UBR4: variants seen among roughly 807,000 people sequenced by gnomAD.
UBR4 encodes E3 ubiquitin-protein ligase UBR4.
UBR4 carries 124 observed loss-of-function variants against 575.6 expected under a neutral mutation model. The observed-to-expected ratio is 0.22, with a 90% CI of 0.19 to 0.25. The LOEUF is 0.25. Ranked by LOEUF, UBR4 falls within the 10% of genes least tolerant of loss-of-function variation. The pLI is 1.00. For missense variants in UBR4, 4,818 were observed against 6,478.8 expected (o/e 0.74, Z 8.80); for synonymous variants, 2,455 against 2,473.7 (o/e 0.99, Z 0.22).
At chr1:19,124,367 TC>T in intron 65 of UBR4, 173 bp downstream of exon 65, 1 of 783,268 alleles carries the variant, frequency 1.3e-6, no homozygotes, top group Non-Finnish European at 1.9e-6. Flanking sequence ...GATACACATC[TC>T]CCACAGTTCT....
At chr1:19,102,665 C>T (rs933339337) in intron 87 of UBR4, among the ~76,000 whole-genome samples, 28 of 152,152 alleles carry the variant, frequency 1.8e-4, no homozygotes, top group Non-Finnish European at 2.6e-4. Flanking sequence ...AAGCAAAACA[C>T]GAGTCAGTTT....
chr1:19,118,948 A>G lies in UBR4; in HGVS notation c.10465T>C (p.Tyr3489His), dbSNP rs779558121. 3.1e-6 allele frequency: 5 copies of G among 1,614,068 alleles called. No individual in the cohort carries two copies. In the Middle Eastern group the frequency reaches 8.2e-4, roughly 266 times the overall value. The change falls in exon 71 of 106, where the codon TAT becomes CAT. Residue 3489 changes from tyrosine to histidine, a missense_variant. This residue lies in a region of UBR4 where 550 missense variants were observed against 791.5 expected (regional missense o/e 0.69). Transcript: ENST00000375254. ...TPQTEKKLKEYSQKAVEILRT... is the reference protein window; with the variant it reads ...TPQTEKKLKEHSQKAVEILRT... ...AGAATCTCCACAGCCTTCTGTGAAT[A>G]CTCCTTCAACTGAAACAGAATTCAG...
At chr1:19,199,091 T>C (rs841374) in intron 3 of UBR4, among the ~76,000 whole-genome samples, 163 bp from the exon 4 acceptor site, 101,435 of 152,140 alleles carry the variant, frequency 0.67, 34,643 homozygotes, top group African/African-American at 0.8. Context: ...ATGTAGCTTA[T>C]AGATTTGTCT....
intron 60 of UBR4, among the ~76,000 whole-genome samples, chr1:19,136,811 A>T (rs2083248725): frequency 6.6e-6 from 1 of 152,212 alleles, no homozygotes; most frequent in Admixed American, 6.5e-5. Flanking sequence ...AAATGTTAGA[A>T]GATTTTTTTA....
chr1:19,134,234 A>G (rs188297025), intron 60 of UBR4, among the ~76,000 whole-genome samples: 265 of 151,874 alleles, frequency 1.7e-3, no homozygotes, highest in Non-Finnish European at 2.5e-3. Flanking sequence ...AGCCTGGGCA[A>G]CAGAGTGAGA....
At chr1:19,112,424 G>T in intron 78 of UBR4, 100 bp downstream of exon 78, 2 of 1,334,754 alleles carry the variant, frequency 1.5e-6, no homozygotes, top group Non-Finnish European at 2.1e-6. Flanking sequence ...AACTTGCTGG[G>T]TGGTCAGAAG....
chr1:19,205,894 A>G (rs1250549421), intron 1 of UBR4, among the ~76,000 whole-genome samples: 2 of 152,244 alleles, frequency 1.3e-5, no homozygotes, highest in African/African-American at 4.8e-5. Flanking sequence ...CTCAGAAAGA[A>G]TTGGCTCAGA....
At position 19,123,057 on chromosome 1, in the gene UBR4, G is replaced by C. The variant is rs1570756399; in HGVS notation, c.9592C>G (p.Leu3198Val). 6 of 1,613,964 alleles carry C rather than the reference G, an allele frequency of 3.7e-6. No homozygotes were observed. The East Asian group carries it at 1.3e-4, about 36-fold the overall frequency. The change falls in exon 66 of 106, where the codon CTC becomes GTC. Residue 3198 changes from leucine to valine, a missense_variant. Leu to Val is a conservative substitution (Grantham distance 32). Around this residue, in one of 29 missense-constraint regions of UBR4, gnomAD observed 550 missense variants for 791.5 expected, o/e 0.69. Coordinates refer to ENST00000375254, the MANE Select transcript of UBR4 (RefSeq NM_020765.3). Reference sequence around the variant, plus strand: ...ACAAATGGAGTCTGCTGGATCATGAGGTACTTGAGAAGAAAAACACCACAA... The same window carrying C: ...ACAAATGGAGTCTGCTGGATCATGACGTACTTGAGAAGAAAAACACCACAA... ...HSWFYFLSEYLMIQQTPFVRR... is the reference protein window; with the variant it reads ...HSWFYFLSEYVMIQQTPFVRR...
At chr1:19,151,974 T>C (rs1198146937) in intron 47 of UBR4, 115 bp from the exon 48 acceptor site, 7 of 996,020 alleles carry the variant, frequency 7.0e-6, no homozygotes, top group Non-Finnish European at 1.0e-5. Context: ...CTTATCCTTT[T>C]AACTCCCTGG....
At position 19,106,721 on chromosome 1, in the gene UBR4, C is replaced by T. The variant is rs768763109; in HGVS notation, c.12241G>A (p.Asp4081Asn). Residue 4081 changes from aspartate to asparagine, a missense_variant, in exon 83 of 106, where the codon GAT (aspartate) becomes AAT (asparagine). Asp to Asn is a conservative substitution (Grantham distance 23). Coordinates refer to ENST00000375254, the MANE Select transcript of UBR4 (RefSeq NM_020765.3). ...WKKCLPIRGI[D>N]GNGKAPSKSE... is the part of the protein sequence containing the mutation. ...TTGCTGGGGGCTTTCCCATTGCCAT[C>T]TATCCCTGCAAGGCCAAGGGTTGCA... The T allele has an allele frequency of 3.8e-6, 6 of 1,598,842 alleles. No individual in the cohort carries two copies. The Admixed American group carries it at 1.0e-4, about 27-fold the overall frequency.
intron 57 of UBR4, 54 bp from the exon 58 acceptor site, chr1:19,140,946 C>A (rs756967521): frequency 6.5e-7 from 1 of 1,537,766 alleles, no homozygotes; most frequent in Admixed American, 1.9e-5. Context: ...CCATCCACAG[C>A]GCTGCTTTGG....
chr1:19,201,670 C>G, intron 2 of UBR4, 48 bp downstream of exon 2: 1 of 1,512,778 alleles, frequency 6.6e-7, no homozygotes, highest in Non-Finnish European at 9.2e-7. Flanking sequence ...TAAACAATCC[C>G]CCTATTCACA....
At chr1:19,161,330 C>A (rs1010262666) in intron 37 of UBR4, among the ~76,000 whole-genome samples, 183 bp from the exon 38 acceptor site, 1 of 152,224 alleles carries the variant, frequency 6.6e-6, no homozygotes, top group Admixed American at 6.5e-5. Flanking sequence ...TACCCACTCA[C>A]AGTATCAGGC....
rs868176583 is a variant in UBR4, at chr1:19,173,008, G to A, written c.3377C>T (p.Ala1126Val). The A allele has an allele frequency of 6.2e-7, 1 of 1,614,070 alleles. No homozygotes were observed. The highest frequency in any genetic ancestry group is 1.1e-5 in the South Asian group (1 of 91,088). ...PSLQSIYTLD[A>V]AISKVQVSLD... ...AGAGACCTGGACCTTTGAGATCGCG[G>A]CATCAAGGGTGTAGATGGACTGCAG... Residue 1126 changes from alanine (A) to valine (V), a missense_variant, in exon 25 of 106, where the codon GCC (alanine) becomes GTC (valine). Coordinates refer to ENST00000375254, the MANE Select transcript of UBR4 (RefSeq NM_020765.3).
rs1247571570 is a variant in UBR4 at position 19,197,759 on chromosome 1, GC to G, written c.803del (p.Arg268ProfsTer11). ...RVCLNLPYFLRYINRFQDAVL... is the reference protein window; with the variant it reads ...RVCLNLPYFLXYINRFQDAVL... ...CTGCATCTTGGAACCGATTGATATA[GC>G]GTAGGAAATATGGCAGGTTCAAACA... On this transcript the variant is annotated frameshift_variant, in exon 7 of 106. Transcript: ENST00000375254. LOFTEE classifies it high-confidence loss of function. 6.2e-7 allele frequency: 1 copy of G among 1,614,228 alleles called. No individual in the cohort carries two copies. Among genetic ancestry groups the G allele is most frequent in the Non-Finnish European group, 8.5e-7 (1 of 1,180,042 alleles).
rs776189004 is a variant in UBR4, at chr1:19,173,068, C to A, written c.3317G>T (p.Cys1106Phe). Reference sequence around the variant, plus strand: ...TTCATGCAGCTGCAAGATGGTGGTACAGTCGATACTACAGAAGGATGAGAT... The same window carrying A: ...TTCATGCAGCTGCAAGATGGTGGTAAAGTCGATACTACAGAAGGATGAGAT... ...RQISSFCSID[C>F]TTILQLHEIP... is the part of the protein sequence containing the mutation. The change falls in exon 25 of 106, where the codon TGT becomes TTT. Residue 1106 changes from cysteine to phenylalanine, a missense_variant. This residue lies in a region of UBR4 where 1,172 missense variants were observed against 1,259.7 expected (regional missense o/e 0.93). Coordinates refer to ENST00000375254, the MANE Select transcript of UBR4 (RefSeq NM_020765.3). 2 of 1,614,170 alleles carry A rather than the reference C, an allele frequency of 1.2e-6. No individual in the cohort carries two copies. The highest frequency in any genetic ancestry group is 1.7e-6 in the Non-Finnish European group (2 of 1,180,022).
chr1:19,117,186 C>CCT lies in UBR4; in HGVS notation c.10823+33_10823+34dup. On this transcript the variant is annotated intron_variant, in intron 73 of 105. Transcript: ENST00000375254. The surrounding 1 kb of genome is among the most constrained non-coding windows in gnomAD (Gnocchi z 4.0). ...CAGCAACTGAGCTTCAGCCTTACAA[C>CCT]CTGCTGCCCCTCCCGAGGCCTAAAA... 1.2e-6 allele frequency: 2 copies of CCT among 1,602,194 alleles called. No homozygotes were observed. The highest frequency in any genetic ancestry group is 1.7e-6 in the Non-Finnish European group (2 of 1,172,474).
At chr1:19,129,220 G>GT (rs1482253396) in intron 60 of UBR4, 146 bp from the exon 61 acceptor site, 14 of 615,742 alleles carry the variant, frequency 2.3e-5, no homozygotes, top group Admixed American at 2.2e-4. Flanking sequence ...AAAAAAAAAA[G>GT]TTAAGAACTG....
At position 19,174,948 on chromosome 1, in the gene UBR4, T is replaced by C. The variant is rs978363456; in HGVS notation, c.2853+6A>G. ...ATATAAAATGCAGTTTTAAAATTCC[T>C]AGTACCACAGAATCAAGTCGGTTCA... is the stretch of plus-strand genomic sequence containing the variant. On this transcript the variant is annotated splice_donor_region_variant and intron_variant, in intron 21 of 105. Coordinates refer to ENST00000375254, the MANE Select transcript of UBR4 (RefSeq NM_020765.3). The C allele has an allele frequency of 1.9e-6, 3 of 1,612,796 alleles. No homozygotes were observed. Among genetic ancestry groups the C allele is most frequent in the Admixed American group, 3.3e-5 (2 of 59,912 alleles).
Sources: gnomAD v4.1 joint callset for allele counts (sites outside exome capture counted in the v4.1 genomes callset) on GRCh38, gnomAD v4.1.1 for gene constraint, gnomAD v4.1.1 regional missense constraint, Gnocchi (gnomAD v3.1) non-coding constraint, MANE v1.5 for transcripts, NCBI Gene and HGNC (gene_info 2026-07-23, HGNC 2026-07-21) for gene names.